Variants in ITGBL1 observed in about 807,000 individuals in gnomAD.
The protein encoded by ITGBL1 is integrin beta-like protein 1.
In ITGBL1, 51 loss-of-function variants were observed where a neutral mutation model predicts 68.5. That is an observed-to-expected ratio of 0.74 (90% CI 0.59 to 0.94). ITGBL1 has a LOEUF of 0.94. Among genes scored for constraint, ITGBL1 ranks in the 40% least tolerant of loss-of-function variants. ITGBL1 has a pLI of 0.00. For synonymous variants in ITGBL1, 209 were observed against 227.3 expected (o/e 0.92, Z 0.72); for missense variants, 649 against 647.4 (o/e 1.00, Z -0.03).
chr13:101,561,707 A>G (rs1351525979), intron 2 of ITGBL1, among the ~76,000 whole-genome samples: 1 of 152,194 alleles, frequency 6.6e-6, no homozygotes, highest in Non-Finnish European at 1.5e-5. Context: ...GAAAGCCTGA[A>G]AGAAATAAAT....
At chr13:101,575,383 T>C in intron 3 of ITGBL1, 41 bp from the exon 4 acceptor site, 1 of 1,578,408 alleles carries the variant, frequency 6.3e-7, no homozygotes, top group South Asian at 1.1e-5. Context: ...TATAATTTTA[T>C]GTGCATGTAA....
chr13:101,647,099 T>C (rs1032782764), intron 7 of ITGBL1, among the ~76,000 whole-genome samples: 3 of 152,192 alleles, frequency 2.0e-5, no homozygotes, highest in Non-Finnish European at 4.4e-5. Context: ...TAAAATGTGT[T>C]AAATATCTTA....
intron 7 of ITGBL1, among the ~76,000 whole-genome samples, chr13:101,687,677 T>C (rs2033786153): frequency 1.3e-5 from 2 of 152,148 alleles, no homozygotes; most frequent in Non-Finnish European, 2.9e-5. Flanking sequence ...GGAATGATTT[T>C]ATATGTGCCT....
chr13:101,567,873 T>C (rs769245564), intron 3 of ITGBL1, 28 bp downstream of exon 3: 1 of 1,582,684 alleles, frequency 6.3e-7, no homozygotes, highest in African/African-American at 1.4e-5. Flanking sequence ...TGAAAATTGT[T>C]AAGTGGAATA....
At chr13:101,688,671 A>G (rs976278451) in intron 7 of ITGBL1, among the ~76,000 whole-genome samples, 1 of 152,180 alleles carries the variant, frequency 6.6e-6, no homozygotes, top group Admixed American at 6.5e-5. Context: ...CCCAAGAAGA[A>G]GAGTAGGTTT....
intron 7 of ITGBL1, among the ~76,000 whole-genome samples, chr13:101,683,766 T>C (rs914966505): frequency 6.6e-6 from 1 of 151,998 alleles, no homozygotes; most frequent in Non-Finnish European, 1.5e-5. Flanking sequence ...CTAATCTGAT[T>C]GGGTTGGGGC....
chr13:101,554,536 T>A (rs779650783), intron 2 of ITGBL1, among the ~76,000 whole-genome samples: 6 of 152,218 alleles, frequency 3.9e-5, no homozygotes, highest in Non-Finnish European at 8.8e-5. Flanking sequence ...CAACCTTCCT[T>A]TGAAGCAATT....
intron 7 of ITGBL1, among the ~76,000 whole-genome samples, chr13:101,599,156 T>C: frequency 6.6e-6 from 1 of 151,848 alleles, no homozygotes; most frequent in Non-Finnish European, 1.5e-5. Flanking sequence ...TATCTCATTG[T>C]GGTTTTGATT....
rs569806387 is a variant in ITGBL1, at chr13:101,510,764, CAT to C, written c.316+56667_316+56668del. Among the ~76,000 whole-genome samples the C allele has an allele frequency of 4.1e-3, 625 of 152,030 alleles. 3 individuals carry two copies. Among genetic ancestry groups the C allele is most frequent in the Admixed American group, 7.3e-3 (112 of 15,242 alleles). The stretch of plus-strand genomic sequence containing the variant: ...TGATGATTAGTGATGAGCATTTTTT[CAT>C]ATGTTTGTTGATCACATATATATCT... On this transcript the variant is annotated intron_variant, in intron 2 of 10. Coordinates refer to ENST00000376180, the MANE Select transcript of ITGBL1 (RefSeq NM_004791.3).
intron 7 of ITGBL1, among the ~76,000 whole-genome samples, chr13:101,653,020 C>A (rs532630006): frequency 6.6e-6 from 1 of 151,764 alleles, no homozygotes; most frequent in Non-Finnish European, 1.5e-5. Flanking sequence ...TGCTCGAACC[C>A]GGGAGGTGGA....
intron 2 of ITGBL1, among the ~76,000 whole-genome samples, chr13:101,472,302 C>A (rs115362492): frequency 1.1e-3 from 167 of 152,274 alleles, no homozygotes; most frequent in African/African-American, 3.9e-3. Flanking sequence ...TAAAGCACAG[C>A]AAAGATAACA....
chr13:101,468,358 G>A (rs555584848), intron 2 of ITGBL1, among the ~76,000 whole-genome samples: 15 of 152,302 alleles, frequency 9.8e-5, no homozygotes, highest in African/African-American at 3.1e-4. Context: ...AAATACAAAT[G>A]AGTAAGAGTA....
intron 6 of ITGBL1, among the ~76,000 whole-genome samples, chr13:101,586,739 T>C (rs7325602): frequency 6.6e-6 from 1 of 152,166 alleles, no homozygotes; most frequent in Non-Finnish European, 1.5e-5. Flanking sequence ...CAGATTTTTT[T>C]AAAATAAAAC....
downstream of ITGBL1, chr13:101,718,836 AAC>A (rs1223888122): frequency 6.6e-6 from 1 of 152,008 alleles, no homozygotes; most frequent in African/African-American, 2.4e-5. Context: ...CTCAACTGTC[AAC>A]ACTTTGAAAC....
chr13:101,605,691 C>G (rs1005094002), intron 7 of ITGBL1, among the ~76,000 whole-genome samples: 1 of 151,018 alleles, frequency 6.6e-6, no homozygotes, highest in Non-Finnish European at 1.5e-5. Context: ...TGCGTATACA[C>G]GTATGTAGAC....
intron 3 of ITGBL1, among the ~76,000 whole-genome samples, chr13:101,571,176 A>G (rs1421852151): frequency 6.6e-6 from 1 of 152,112 alleles, no homozygotes; most frequent in African/African-American, 2.4e-5. Flanking sequence ...CTGGCTCCCA[A>G]TACCACCAAC....
At chr13:101,612,570 T>A (rs1485142233) in intron 7 of ITGBL1, among the ~76,000 whole-genome samples, 6 of 149,600 alleles carry the variant, frequency 4.0e-5, no homozygotes, top group Non-Finnish European at 8.9e-5. Context: ...AATGTAATTA[T>A]AAAAAAAAAG....
intron 7 of ITGBL1, among the ~76,000 whole-genome samples, chr13:101,641,720 A>G (rs1474715444): frequency 1.4e-5 from 1 of 73,868 alleles, no homozygotes; most frequent in African/African-American, 5.2e-5. Context: ...CCCTCCCCCG[A>G]CCCCACAGCA....
chr13:101,701,016 T>C (rs2139574356), intron 8 of ITGBL1, among the ~76,000 whole-genome samples: 1 of 152,374 alleles, frequency 6.6e-6, no homozygotes, highest in East Asian at 1.9e-4. Flanking sequence ...TACTTACTGT[T>C]ATATTCTAAG....
Sources: gnomAD v4.1 joint callset for allele counts (sites outside exome capture counted in the v4.1 genomes callset) on GRCh38, gnomAD v4.1.1 for gene constraint, MANE v1.5 for transcripts, NCBI Gene and HGNC (gene_info 2026-07-23, HGNC 2026-07-21) for gene names.